Variants in DAO observed in about 807,000 individuals in gnomAD.
DAO encodes the protein D-amino acid oxidase.
Under a neutral mutation model 50.1 loss-of-function variants are expected in DAO, and 51 were observed. That is an observed-to-expected ratio of 1.02 (90% CI 0.81 to 1.29). The LOEUF (loss-of-function observed/expected upper bound fraction) is 1.29. DAO is among the 50% of genes most tolerant of loss of function. DAO has a pLI of 0.00. For missense variants in DAO, 436 were observed against 439.4 expected (o/e 0.99, Z 0.07); for synonymous variants, 160 against 166.2 (o/e 0.96, Z 0.29).
At chr12:108,896,554 C>T (rs2039562431) in intron 7 of DAO, among the ~76,000 whole-genome samples, 1 of 151,766 alleles carries the variant, frequency 6.6e-6, no homozygotes, top group South Asian at 2.1e-4. Flanking sequence ...CTGCTTACCC[C>T]TTAGGGAAGA....
intron 2 of DAO, among the ~76,000 whole-genome samples, chr12:108,887,103 GC>G (rs746066266): frequency 1.2e-4 from 18 of 152,186 alleles, no homozygotes; most frequent in Non-Finnish European, 2.4e-4. Context: ...AAGGAGGGGT[GC>G]TTGCAGCCAG....
chr12:108,892,621 A>G (rs551859275), intron 5 of DAO, among the ~76,000 whole-genome samples: 6 of 152,236 alleles, frequency 3.9e-5, no homozygotes, highest in South Asian at 2.1e-4. Flanking sequence ...TCTGAATCTC[A>G]TCGCCTTTGC....
chr12:108,889,929 G>A (rs2039472796), intron 4 of DAO, among the ~76,000 whole-genome samples: 1 of 151,994 alleles, frequency 6.6e-6, no homozygotes. Flanking sequence ...TGCCTCTCTG[G>A]TCTTCTCCTC....
At position 108,890,242 on chromosome 12, in the gene DAO, G is replaced by T; in HGVS notation, c.421G>T (p.Gly141Ter). Residue 141 changes from glycine (G) to a stop codon, truncating the protein, a stop_gained, in exon 5 of 11, where the codon GGA becomes TGA. Transcript: ENST00000228476. LOFTEE classifies it high-confidence loss of function. ...GTTCCACACAAGCCTAATTCTGGAGGGAAAGAACTATCTACAGTGGCTGAC... is the reference window on the plus strand; with the variant it reads ...GTTCCACACAAGCCTAATTCTGGAGTGAAAGAACTATCTACAGTGGCTGAC... ...GWFHTSLILE[G>*]KNYLQWLTER... 6.2e-7 allele frequency: 1 copy of T among 1,613,842 alleles called. No individual in the cohort carries two copies. The highest frequency in any genetic ancestry group is 8.5e-7 in the Non-Finnish European group (1 of 1,179,766).
intron 7 of DAO, among the ~76,000 whole-genome samples, chr12:108,895,417 G>A (rs1273713048): frequency 1.1e-4 from 16 of 150,528 alleles, no homozygotes; most frequent in Non-Finnish European, 1.8e-4. Flanking sequence ...GTGTGCATGT[G>A]TGTGAGGGTG....
intron 2 of DAO, among the ~76,000 whole-genome samples, chr12:108,885,505 G>C (rs1189569180): frequency 6.6e-6 from 1 of 152,096 alleles, no homozygotes; most frequent in African/African-American, 2.4e-5. Flanking sequence ...AGCTACTCGG[G>C]AGGCTGAGGC....
At chr12:108,884,097 A>G (rs1248481133) in intron 1 of DAO, among the ~76,000 whole-genome samples, 1 of 152,250 alleles carries the variant, frequency 6.6e-6, no homozygotes, top group East Asian at 1.9e-4. Context: ...TAGGCCTTCT[A>G]AACTTCTCAG....
intron 2 of DAO, 52 bp downstream of exon 2, chr12:108,885,252 C>A: frequency 6.5e-7 from 1 of 1,548,492 alleles, no homozygotes; most frequent in Middle Eastern, 1.8e-4. Flanking sequence ...CCTAAGTCTG[C>A]AGAGGGAGTC....
intron 1 of DAO, among the ~76,000 whole-genome samples, chr12:108,881,452 A>G (rs768714900): frequency 2.9e-5 from 4 of 137,702 alleles, no homozygotes; most frequent in Non-Finnish European, 6.1e-5. Flanking sequence ...TGAGGACCTC[A>G]TGCATTTATT....
rs148520990 is a variant in DAO at position 108,900,929 on chromosome 12, C to A, written c.*394C>A. On this transcript the variant is annotated 3_prime_UTR_variant, in exon 11 of 11. Coordinates refer to ENST00000228476, the MANE Select transcript of DAO (RefSeq NM_001917.5). The stretch of plus-strand genomic sequence containing the variant: ...GTTCTGAAAAGTCCTGCAGCAAAGA[C>A]AACTATCTGATGTTGTTTAACCCAG... 3.7e-4 allele frequency: 100 copies of A among 272,344 alleles called. 1 individual carries two copies. In the East Asian group the frequency reaches 9.9e-3, roughly 27 times the overall value. 16.9% of individuals were successfully genotyped at this position (272,344 alleles called of 1,614,324 possible).
chr12:108,880,445 T>C (rs1051583827), intron 1 of DAO: 7 of 300,728 alleles, frequency 2.3e-5, no homozygotes, highest in African/African-American at 1.3e-4. Flanking sequence ...AACATGGGGA[T>C]CATAACTCCC....
At chr12:108,881,504 C>T (rs1352252871) in intron 1 of DAO, among the ~76,000 whole-genome samples, 1 of 129,178 alleles carries the variant, frequency 7.7e-6, no homozygotes, top group African/African-American at 3.0e-5. Flanking sequence ...CACACACACA[C>T]ACACACGTTG....
At chr12:108,889,651 C>A in intron 4 of DAO, 106 bp downstream of exon 4, 1 of 822,108 alleles carries the variant, frequency 1.2e-6, no homozygotes, top group Non-Finnish European at 2.1e-6. Context: ...CCTACCCAGG[C>A]CCTGGTACCC....
chr12:108,885,536 G>C (rs1013400434), intron 2 of DAO, among the ~76,000 whole-genome samples: 3 of 152,090 alleles, frequency 2.0e-5, no homozygotes, highest in African/African-American at 7.2e-5. Flanking sequence ...TTTGAGCCTA[G>C]GAGGTGAAGG....
intron 1 of DAO, chr12:108,883,595 TA>T: frequency 2.2e-6 from 1 of 456,378 alleles, no homozygotes; most frequent in Non-Finnish European, 4.4e-6. Context: ...ATTTAATCCT[TA>T]AAATGACCCT....
chr12:108,890,260 T>C lies in DAO; in HGVS notation c.439T>C (p.Trp147Arg), dbSNP rs111727010. 1 of 1,613,374 alleles carries C rather than the reference T, an allele frequency of 6.2e-7. No homozygotes were observed. Among genetic ancestry groups the C allele is most frequent in the Non-Finnish European group, 8.5e-7 (1 of 1,179,440 alleles). Residue 147 changes from tryptophan to arginine, a missense_variant, in exon 5 of 11, where the codon TGG (tryptophan) becomes CGG (arginine). Trp to Arg is a moderately radical substitution (Grantham distance 101). Transcript: ENST00000228476. The stretch of plus-strand genomic sequence containing the variant: ...TCTGGAGGGAAAGAACTATCTACAG[T>C]GGCTGACTGAAAGGTGAGATTTTAA... ...LILEGKNYLQ[W>R]LTERLTERGV... is the part of the protein sequence containing the mutation.
chr12:108,894,217 G>A (rs1298174182), intron 6 of DAO, 46 bp from the exon 7 acceptor site: 3 of 1,432,932 alleles, frequency 2.1e-6, no homozygotes, highest in Non-Finnish European at 2.9e-6. Flanking sequence ...GAATACCAGG[G>A]TCTTCCCCAC....
chr12:108,897,376 C>T (rs753304654), intron 8 of DAO, among the ~76,000 whole-genome samples: 30 of 152,104 alleles, frequency 2.0e-4, no homozygotes, highest in Non-Finnish European at 2.9e-4. Flanking sequence ...ACCACCACAT[C>T]CAGCTAATTT....
Position 108,885,170 on chromosome 12 carries a change from A to T in DAO, c.164A>T (p.Tyr55Phe). The change falls in exon 2 of 11, where the codon TAC (tyrosine) becomes TTC (phenylalanine). Residue 55 changes from tyrosine to phenylalanine, a missense_variant. Transcript: ENST00000228476. ...TDVAAGLWQP[Y>F]LSDPNNPQEA... ...GTGGCTGCCGGCCTCTGGCAGCCCT[A>T]CCTTTCTGACCCCAACAACCCACAG... is the stretch of plus-strand genomic sequence containing the variant. 4 of 1,613,398 alleles carry T rather than the reference A, an allele frequency of 2.5e-6. No individual in the cohort carries two copies. Among genetic ancestry groups the T allele is most frequent in the Non-Finnish European group, 3.4e-6 (4 of 1,179,728 alleles).
Sources: allele counts gnomAD v4.1 joint callset (sites outside exome capture counted in the v4.1 genomes callset), GRCh38; gene constraint gnomAD v4.1.1; transcripts MANE v1.5; gene names NCBI Gene and HGNC (gene_info 2026-07-23, HGNC 2026-07-21).